CUL3: variants seen among roughly 807,000 people sequenced by gnomAD.
CUL3 encodes cullin-3.
Under a neutral mutation model 89.1 loss-of-function variants are expected in CUL3, and 19 were observed. The ratio of observed to expected loss-of-function variants is 0.21; its 90% CI spans 0.15 to 0.31. The LOEUF (loss-of-function observed/expected upper bound fraction) is 0.31. CUL3 is among the 10% of genes least tolerant of loss of function. The pLI is 1.00. For synonymous variants in CUL3, 351 were observed against 308.4 expected (o/e 1.14, Z -1.45); for missense variants, 469 against 942.3 (o/e 0.50, Z 6.58).
chr2:224,550,589 C>T (rs964760336), intron 2 of CUL3, among the ~76,000 whole-genome samples: 11 of 152,090 alleles, frequency 7.2e-5, no homozygotes, highest in Non-Finnish European at 7.4e-5. Flanking sequence ...TCTGCCCCAC[C>T]GTATCAGAAA....
chr2:224,554,975 C>T (rs569528340), intron 2 of CUL3, among the ~76,000 whole-genome samples: 10 of 152,252 alleles, frequency 6.6e-5, no homozygotes, highest in Admixed American at 5.9e-4. Flanking sequence ...AAGATTCATC[C>T]CTTGGCTCTG....
At chr2:224,557,244 TAA>T (rs2106303007) in intron 2 of CUL3, among the ~76,000 whole-genome samples, 1 of 152,238 alleles carries the variant, frequency 6.6e-6, no homozygotes, top group South Asian at 2.1e-4. Flanking sequence ...TCAGTTAAAA[TAA>T]AGTCAATTTT....
chr2:224,480,255 A>T (rs1197313547), intron 14 of CUL3: 1 of 152,186 alleles, frequency 6.6e-6, no homozygotes, highest in Non-Finnish European at 1.5e-5. Flanking sequence ...CAGTAAAAGC[A>T]GCATAAATAG....
chr2:224,515,714 T>TG (rs1402142538), intron 3 of CUL3, among the ~76,000 whole-genome samples: 1 of 150,888 alleles, frequency 6.6e-6, no homozygotes, highest in Non-Finnish European at 1.5e-5. Flanking sequence ...TTTTTTGAGA[T>TG]GGAGTCTCAT....
intron 1 of CUL3, among the ~76,000 whole-genome samples, chr2:224,572,706 G>C (rs929616694): frequency 2.6e-5 from 4 of 151,594 alleles, no homozygotes; most frequent in Non-Finnish European, 5.9e-5. Flanking sequence ...TTGTGAATGG[G>C]ATTAGGTGGC....
intron 3 of CUL3, among the ~76,000 whole-genome samples, chr2:224,528,962 T>C (rs1693585608): frequency 6.6e-6 from 1 of 152,166 alleles, no homozygotes; most frequent in African/African-American, 2.4e-5. Flanking sequence ...AAATTCTCCA[T>C]AAAGTTTTGC....
At chr2:224,577,034 T>C (rs746659967) in intron 1 of CUL3, among the ~76,000 whole-genome samples, 8 of 152,180 alleles carry the variant, frequency 5.3e-5, no homozygotes, top group Non-Finnish European at 7.3e-5. Context: ...TACAATAAAA[T>C]GACAGGATCG....
intron 13 of CUL3, among the ~76,000 whole-genome samples, chr2:224,483,299 A>G (rs1201539912): frequency 1.3e-5 from 2 of 152,222 alleles, no homozygotes; most frequent in African/African-American, 2.4e-5. Flanking sequence ...ATTACAGATC[A>G]TCCCAAGAGG....
At chr2:224,541,836 T>C (rs1694117251) in intron 2 of CUL3, among the ~76,000 whole-genome samples, 3 of 151,648 alleles carry the variant, frequency 2.0e-5, no homozygotes, top group African/African-American at 7.3e-5. Flanking sequence ...ATGACATTCT[T>C]GAAAAAAAAA....
chr2:224,567,648 G>C (rs1695076368), intron 1 of CUL3, among the ~76,000 whole-genome samples: 1 of 151,964 alleles, frequency 6.6e-6, no homozygotes, highest in African/African-American at 2.4e-5. Flanking sequence ...GCTGAGGCAG[G>C]AGAATGGCGT....
At chr2:224,572,027 C>T (rs1559239247) in intron 1 of CUL3, among the ~76,000 whole-genome samples, 1 of 152,172 alleles carries the variant, frequency 6.6e-6, no homozygotes, top group African/African-American at 2.4e-5. Context: ...GGTACCATGT[C>T]AACTCAAATA....
intron 8 of CUL3, among the ~76,000 whole-genome samples, chr2:224,505,168 G>A (rs1048200633): frequency 7.0e-6 from 1 of 143,430 alleles, no homozygotes; most frequent in Non-Finnish European, 1.5e-5. Flanking sequence ...ACGGAGTTTC[G>A]CTATTGTTGC....
intron 1 of CUL3, chr2:224,569,582 TTTTC>T (rs1389701309): frequency 6.1e-6 from 3 of 492,284 alleles, no homozygotes; most frequent in Non-Finnish European, 7.9e-6. Context: ...ATGGTCTTTG[TTTTC>T]TTTAAAGCAA....
intron 3 of CUL3, among the ~76,000 whole-genome samples, chr2:224,530,037 G>C (rs1312758581): frequency 6.6e-6 from 1 of 152,080 alleles, no homozygotes; most frequent in African/African-American, 2.4e-5. Context: ...AGGAGATCGA[G>C]ACCATGATGG....
Position 224,474,160 on chromosome 2 carries a change from C to T in CUL3, c.*85G>A, listed in dbSNP as rs760583226. The T allele has an allele frequency of 5.4e-5, 72 of 1,344,898 alleles. 1 individual carries two copies. In the South Asian group the frequency reaches 6.8e-4, roughly 13 times the overall value. 83.3% of individuals were successfully genotyped at this position (1,344,898 alleles called of 1,614,324 possible). On this transcript the variant is annotated 3_prime_UTR_variant, in exon 16 of 16. Coordinates refer to ENST00000264414, the MANE Select transcript of CUL3 (RefSeq NM_003590.5). ...ACTGTAATTTAATAGAAGAGATGGTCGTCTTAATATTTAATGATTTAAAAG... is the reference window on the plus strand; with the variant it reads ...ACTGTAATTTAATAGAAGAGATGGTTGTCTTAATATTTAATGATTTAAAAG...
At chr2:224,502,511 G>C (rs1352702151) in intron 10 of CUL3, among the ~76,000 whole-genome samples, 7 of 152,220 alleles carry the variant, frequency 4.6e-5, no homozygotes, top group South Asian at 2.1e-4. Context: ...CGCACCCTTA[G>C]GATGTAAGTC....
At chr2:224,482,416 C>A (rs1442507508) in intron 13 of CUL3, among the ~76,000 whole-genome samples, 1 of 151,992 alleles carries the variant, frequency 6.6e-6, no homozygotes, top group Non-Finnish European at 1.5e-5. Context: ...CATATAATTG[C>A]TAATTTTATA....
At chr2:224,526,501 G>A (rs959778818) in intron 3 of CUL3, among the ~76,000 whole-genome samples, 1 of 146,128 alleles carries the variant, frequency 6.8e-6, no homozygotes, top group South Asian at 2.1e-4. Context: ...CAGAAGAATC[G>A]CTTGAACCCA....
chr2:224,481,853 T>C (rs773674105), intron 14 of CUL3, 39 bp downstream of exon 14: 3 of 1,355,016 alleles, frequency 2.2e-6, no homozygotes, highest in African/African-American at 3.1e-5. Flanking sequence ...AAGAGAAAAA[T>C]ATATAATTTT....
Sources: gnomAD v4.1 joint callset for allele counts (sites outside exome capture counted in the v4.1 genomes callset) on GRCh38, gnomAD v4.1.1 for gene constraint, MANE v1.5 for transcripts, NCBI Gene and HGNC (gene_info 2026-07-23, HGNC 2026-07-21) for gene names.